The following CFAP54 variants were observed in gnomAD, a reference collection of about 807,000 sequenced individuals.
The protein encoded by CFAP54 is cilia and flagella associated protein 54, also known as cilia- and flagella-associated protein 54.
A neutral mutation model predicts 370.4 loss-of-function variants in CFAP54; 290 were observed. That is an observed-to-expected ratio of 0.78 (90% CI 0.71 to 0.86). The LOEUF (loss-of-function observed/expected upper bound fraction) is 0.86. Among genes scored for constraint, CFAP54 ranks in the 40% least tolerant of loss-of-function variants. CFAP54 has a pLI of 0.00. For synonymous variants in CFAP54, 1,206 were observed against 1,236.5 expected (o/e 0.98, Z 0.52); for missense variants, 3,399 against 3,528.7 (o/e 0.96, Z 0.93).
At chr12:96,533,553 C>T (rs1955464965) in intron 9 of CFAP54, among the ~76,000 whole-genome samples, 1 of 152,110 alleles carries the variant, frequency 6.6e-6, no homozygotes, top group Non-Finnish European at 1.5e-5. Context: ...TTCTCTTTCC[C>T]CTGAGTATCC....
At chr12:96,781,303 C>G (rs563757851) in intron 60 of CFAP54, among the ~76,000 whole-genome samples, 1 of 152,100 alleles carries the variant, frequency 6.6e-6, no homozygotes, top group South Asian at 2.1e-4. Flanking sequence ...TTTACGAATT[C>G]ATGGTCCAAA....
intron 46 of CFAP54, among the ~76,000 whole-genome samples, chr12:96,703,952 A>G (rs139272806): frequency 1.1e-3 from 166 of 152,294 alleles, no homozygotes; most frequent in East Asian, 4.1e-3. Flanking sequence ...GGGCTGAATG[A>G]TGGGATAATG....
At position 96,664,924 on chromosome 12, in the gene CFAP54, A is replaced by G. The variant is rs565496837; in HGVS notation, c.5563+992A>G. On this transcript the variant is annotated intron_variant, in intron 39 of 67. Coordinates refer to ENST00000524981, the MANE Select transcript of CFAP54 (RefSeq NM_001306084.2). ...TTCCACAATGGTTGAACTAATTTAC[A>G]CTCCCACTAACAATGTATAAGCGTT... Among the ~76,000 whole-genome samples, 177 of 150,810 alleles carry G rather than the reference A, an allele frequency of 1.2e-3. 2 individuals carry two copies. Among genetic ancestry groups the G allele is most frequent in the African/African-American group, 4.0e-3 (164 of 41,000 alleles).
chr12:96,727,160 G>A (rs1253531585), intron 50 of CFAP54, among the ~76,000 whole-genome samples: 2 of 151,760 alleles, frequency 1.3e-5, no homozygotes, highest in Non-Finnish European at 2.9e-5. Flanking sequence ...CTGTTGATTT[G>A]GGGTGGAGAG....
chr12:96,858,204 G>C (rs1959766462), intron 66 of CFAP54, among the ~76,000 whole-genome samples: 1 of 152,162 alleles, frequency 6.6e-6, no homozygotes, highest in Admixed American at 6.5e-5. Context: ...ACAGGTGTGA[G>C]ATGGTATCTC....
intron 32 of CFAP54, among the ~76,000 whole-genome samples, chr12:96,643,089 C>A (rs768692544): frequency 1.2e-4 from 18 of 152,020 alleles, no homozygotes; most frequent in Non-Finnish European, 2.2e-4. Flanking sequence ...CACATGGGGA[C>A]AAGATTGATT....
chr12:96,565,390 C>T (rs1188922040), intron 19 of CFAP54, among the ~76,000 whole-genome samples: 1 of 151,894 alleles, frequency 6.6e-6, no homozygotes, highest in Non-Finnish European at 1.5e-5. Flanking sequence ...GCCACCATGC[C>T]AGAATATTAA....
chr12:96,651,197 G>T (rs1212977893), intron 35 of CFAP54, among the ~76,000 whole-genome samples: 1 of 152,070 alleles, frequency 6.6e-6, no homozygotes, highest in Non-Finnish European at 1.5e-5. Context: ...ACTTCTTATT[G>T]CTTGAAATTA....
chr12:96,539,064 G>GTTTTTTTTTTTTTTT lies in CFAP54; in HGVS notation c.1926+559_1926+560insTTTTTTTTTTTTTTT, dbSNP rs1314197505. Among the ~76,000 whole-genome samples the GTTTTTTTTTTTTTTT allele has an allele frequency of 3.9e-4, 44 of 111,812 alleles. 6 individuals are homozygous for GTTTTTTTTTTTTTTT. The highest frequency in any genetic ancestry group is 5.2e-4 in the Non-Finnish European group (29 of 55,876). The allele number at this position is 111,812 out of a possible 152,430, so 73.4% of individuals were successfully genotyped here. ...GAGCCACCACGCCCGGCCTTTTCAG[G>GTTTTTTTTTTTTTTT]TTTTTTTTTTTTTGTTTTTGTTTTT... On this transcript the variant is annotated intron_variant, in intron 13 of 67. Transcript: ENST00000524981.
chr12:96,771,314 C>T (rs1958457563), intron 60 of CFAP54, among the ~76,000 whole-genome samples: 1 of 152,174 alleles, frequency 6.6e-6, no homozygotes, highest in South Asian at 2.1e-4. Flanking sequence ...ACACTGTCCA[C>T]TGGTTTGAGT....
chr12:96,779,164 A>T (rs1336285788), intron 60 of CFAP54, among the ~76,000 whole-genome samples: 4 of 151,916 alleles, frequency 2.6e-5, no homozygotes, highest in Non-Finnish European at 5.9e-5. Flanking sequence ...TAATTAACAC[A>T]AAGGAAACAC....
intron 38 of CFAP54, among the ~76,000 whole-genome samples, chr12:96,662,726 T>G (rs1262209965): frequency 6.6e-6 from 1 of 152,108 alleles, no homozygotes; most frequent in Non-Finnish European, 1.5e-5. Flanking sequence ...ACCGCACTGT[T>G]GTGTGAGCTG....
At chr12:96,821,929 A>G (rs780755160) in intron 65 of CFAP54, among the ~76,000 whole-genome samples, 2 of 152,166 alleles carry the variant, frequency 1.3e-5, no homozygotes, top group African/African-American at 2.4e-5. Context: ...TATTGAATAT[A>G]AGGGTGCAGA....
chr12:96,547,522 G>C (rs577021344), intron 14 of CFAP54, among the ~76,000 whole-genome samples: 4 of 152,200 alleles, frequency 2.6e-5, no homozygotes, highest in Non-Finnish European at 2.9e-5. Context: ...AGAATATAGA[G>C]AAAGATGATA....
intron 65 of CFAP54, among the ~76,000 whole-genome samples, chr12:96,824,143 C>T (rs929940698): frequency 1.3e-5 from 2 of 152,186 alleles, no homozygotes; most frequent in Non-Finnish European, 2.9e-5. Flanking sequence ...CTAGCTGCAG[C>T]ATGCGTGCAT....
chr12:96,806,964 G>T (rs558337589), intron 63 of CFAP54, among the ~76,000 whole-genome samples: 95 of 152,270 alleles, frequency 6.2e-4, no homozygotes, highest in Non-Finnish European at 1.1e-3. Context: ...GTCAGAATAT[G>T]CATTTTAATA....
intron 14 of CFAP54, among the ~76,000 whole-genome samples, chr12:96,544,690 T>C (rs1373634678): frequency 1.3e-5 from 2 of 152,218 alleles, no homozygotes; most frequent in East Asian, 3.9e-4. Context: ...CCTTGCTGGG[T>C]ATCTTAGTCC....
chr12:96,613,553 A>T lies in CFAP54; in HGVS notation c.3640-8037A>T, dbSNP rs529303214. Among the ~76,000 whole-genome samples, 168 of 152,064 alleles carry T rather than the reference A, an allele frequency of 1.1e-3. 1 individual carries two copies. Among genetic ancestry groups the T allele is most frequent in the African/African-American group, 4.0e-3 (165 of 41,498 alleles). On this transcript the variant is annotated intron_variant, in intron 26 of 67. Transcript: ENST00000524981. ...ACTGAAGGAGATAGAGACACAAAAA[A>T]CCTTCAAAAAATCAATGAATCCAGG... is the stretch of plus-strand genomic sequence containing the variant.
At position 96,507,018 on chromosome 12, in the gene CFAP54, T is replaced by A; in HGVS notation, c.658T>A (p.Cys220Ser). Residue 220 changes from cysteine (C) to serine (S), a missense_variant, in exon 4 of 68, where the codon TGT (cysteine) becomes AGT (serine). Transcript: ENST00000524981. ...NLKNKESVVQ[C>S]LHILSSLRLI... ...GAAGAATAAAGAATCTGTGGTCCAGTGTCTGCATATCTTGTCCTCCTTAAG... is the reference window on the plus strand; with the variant it reads ...GAAGAATAAAGAATCTGTGGTCCAGAGTCTGCATATCTTGTCCTCCTTAAG... The A allele has an allele frequency of 6.5e-7, 1 of 1,536,166 alleles. No individual in the cohort carries two copies. The highest frequency in any genetic ancestry group is 8.7e-7 in the Non-Finnish European group (1 of 1,146,850).
Sources: allele counts gnomAD v4.1 joint callset (sites outside exome capture counted in the v4.1 genomes callset), GRCh38; gene constraint gnomAD v4.1.1; transcripts MANE v1.5; gene names NCBI Gene and HGNC (gene_info 2026-07-23, HGNC 2026-07-21).